QTGAL: variants seen among roughly 807,000 people sequenced by gnomAD.
The protein encoded by QTGAL is queuosine-tRNA galactosyltransferase, also known as BGnT-like protein 1.
At chr17:83,008,780 GCGGGCTCCAGA>G in the QTGAL span, among the ~76,000 whole-genome samples, 2 of 152,028 alleles carry the variant, frequency 1.3e-5, no homozygotes, top group African/African-American at 4.8e-5. Context: ...GAGCGAGTGC[GCGGGCTCCAGA>G]TGATCCCAGC....
the QTGAL span, among the ~76,000 whole-genome samples, chr17:83,036,115 T>G: frequency 3.3e-5 from 5 of 152,318 alleles, no homozygotes; most frequent in South Asian, 1.0e-3. Context: ...TTAATCTGCA[T>G]GGCCACCAAG....
chr17:83,026,800 C>T, the QTGAL span, among the ~76,000 whole-genome samples: 5 of 94,912 alleles, frequency 5.3e-5, no homozygotes, highest in South Asian at 3.7e-4. Context: ...AACCCACCCT[C>T]GACAGACACA....
the QTGAL span, among the ~76,000 whole-genome samples, chr17:82,958,681 T>A: frequency 6.6e-6 from 1 of 152,080 alleles, no homozygotes; most frequent in East Asian, 1.9e-4. Context: ...AGGGAGGTCC[T>A]GCCTGGAGTC....
At chr17:83,027,458 G>C in the QTGAL span, among the ~76,000 whole-genome samples, 2 of 152,150 alleles carry the variant, frequency 1.3e-5, no homozygotes, top group African/African-American at 4.8e-5. Context: ...GTGAGCAAAA[G>C]TTTATTAGGA....
chr17:82,993,292 G>A, the QTGAL span, among the ~76,000 whole-genome samples: 1 of 152,066 alleles, frequency 6.6e-6, no homozygotes, highest in Non-Finnish European at 1.5e-5. Flanking sequence ...CATGCCAATG[G>A]AACCAGAAAA....
At chr17:83,048,017 TC>T in the QTGAL span, among the ~76,000 whole-genome samples, 2 of 143,000 alleles carry the variant, frequency 1.4e-5, no homozygotes, top group African/African-American at 5.2e-5. Flanking sequence ...CCTTCCTTCC[TC>T]TCTTTCTCTC....
chr17:83,016,894 C>G, the QTGAL span, among the ~76,000 whole-genome samples: 1 of 152,164 alleles, frequency 6.6e-6, no homozygotes, highest in African/African-American at 2.4e-5. Flanking sequence ...AGGGGCACGT[C>G]ACTAACCTTC....
chr17:82,959,416 T>C, the QTGAL span, among the ~76,000 whole-genome samples: 4,340 of 151,812 alleles, frequency 0.029, 104 homozygotes, highest in African/African-American at 0.06. Flanking sequence ...TATACTTTCG[T>C]GCACGTATGT....
At chr17:83,034,608 T>A in the QTGAL span, among the ~76,000 whole-genome samples, 1 of 152,230 alleles carries the variant, frequency 6.6e-6, no homozygotes, top group Non-Finnish European at 1.5e-5. Flanking sequence ...CGCCCAAATC[T>A]CATCTTGAAC....
chr17:82,981,835 T>C, the QTGAL span: 1 of 152,294 alleles, frequency 6.6e-6, no homozygotes, highest in East Asian at 1.9e-4. Context: ...AACATTGTCC[T>C]GTACATTCTG....
the QTGAL span, among the ~76,000 whole-genome samples, chr17:83,007,930 C>T: frequency 6.6e-6 from 1 of 152,230 alleles, no homozygotes; most frequent in Non-Finnish European, 1.5e-5. Context: ...AGCTCTCTCC[C>T]GTGCAACTGC....
the QTGAL span, among the ~76,000 whole-genome samples, chr17:83,028,625 A>G: frequency 6.6e-6 from 1 of 152,124 alleles, no homozygotes; most frequent in African/African-American, 2.4e-5. Flanking sequence ...TACTAGAATC[A>G]TGAAAATTAA....
At chr17:82,986,253 G>A in the QTGAL span, among the ~76,000 whole-genome samples, 1 of 152,148 alleles carries the variant, frequency 6.6e-6, no homozygotes, top group Non-Finnish European at 1.5e-5. Flanking sequence ...GCGGCAGCCC[G>A]ACCCCGTGGC....
the QTGAL span, chr17:82,961,381 CG>C: frequency 9.4e-4 from 163 of 172,638 alleles, 1 homozygote; most frequent in African/African-American, 4.5e-3. Flanking sequence ...TCTCCACAGG[CG>C]GGAAAGAGGG....
chr17:82,995,757 C>T, the QTGAL span, among the ~76,000 whole-genome samples: 2 of 152,034 alleles, frequency 1.3e-5, no homozygotes, highest in East Asian at 3.9e-4. Context: ...TTTACAATAG[C>T]TACAAATAAA....
chr17:82,953,638 G>A, the QTGAL span, among the ~76,000 whole-genome samples: 3 of 152,002 alleles, frequency 2.0e-5, no homozygotes, highest in East Asian at 5.8e-4. Context: ...TAGAAAAAAA[G>A]GGACTACTAA....
the QTGAL span, among the ~76,000 whole-genome samples, chr17:82,964,642 G>A: frequency 2.5e-3 from 361 of 143,354 alleles, 3 homozygotes; most frequent in African/African-American, 8.4e-3. Flanking sequence ...GGGGAGGACG[G>A]GGACACGGAC....
the QTGAL span, chr17:82,965,727 G>A: frequency 1.9e-6 from 3 of 1,612,388 alleles, no homozygotes; most frequent in Non-Finnish European, 2.5e-6. Flanking sequence ...GATCACCGTG[G>A]GGCCATTTGA....
chr17:82,947,104 T>A, the QTGAL span: 1 of 777,100 alleles, frequency 1.3e-6, no homozygotes, highest in Non-Finnish European at 2.1e-6. Flanking sequence ...GTTCTGCTCC[T>A]CTGCTAATAG....
Sources: gnomAD v4.1 joint callset for allele counts (sites outside exome capture counted in the v4.1 genomes callset) on GRCh38, gnomAD v4.1.1 for gene constraint, MANE v1.5 for transcripts, NCBI Gene and HGNC (gene_info 2026-07-23, HGNC 2026-07-21) for gene names.